Variants in CCNH observed in about 807,000 individuals in gnomAD.
CCNH encodes cyclin H.
A neutral mutation model predicts 41.9 loss-of-function variants in CCNH; 31 were observed. That is an observed-to-expected ratio of 0.74 (90% confidence interval 0.56 to 1.00). The LOEUF (loss-of-function observed/expected upper bound fraction) is 1.00, where lower values mean the gene tolerates loss of function less well. Ranked by LOEUF, CCNH falls within the 50% of genes least tolerant of loss-of-function variation. The pLI is 0.00. For synonymous variants in CCNH, 138 were observed against 136.1 expected (o/e 1.01, Z -0.10); for missense variants, 362 against 388.4 (o/e 0.93, Z 0.57).
downstream of CCNH, among the ~76,000 whole-genome samples, chr5:87,388,951 A>G (rs187066306): frequency 2.0e-5 from 3 of 152,284 alleles, no homozygotes; most frequent in Admixed American, 2.0e-4. Context: ...TAGAATAGCA[A>G]TAATATTGTA....
At position 87,326,450 on chromosome 5, in the gene CCNH, A is replaced by G. The variant is rs115439150; in HGVS notation, c.*91-7553T>C. 7.4e-3 allele frequency among the ~76,000 whole-genome samples: 1,129 copies of G among 152,314 alleles called. 14 individuals are homozygous for G. Among genetic ancestry groups the G allele is most frequent in the Middle Eastern group, 0.031 (9 of 294 alleles). On this transcript the variant is annotated intron_variant and NMD_transcript_variant, in intron 9 of 9. Coordinates refer to the CCNH transcript ENST00000645953. ...ATTAAGGGACTCCATATCTACCTGT[A>G]AGATTTCTCAACAAAAATTTACAAA...
At chr5:87,385,415 T>C in intron 9 of CCNH, 1 of 1,510,072 alleles carries the variant, frequency 6.6e-7, no homozygotes, top group Non-Finnish European at 9.2e-7. Context: ...TACTTTAAAA[T>C]GTAATTTATG....
At chr5:87,398,787 C>T (rs1242550494) in intron 7 of CCNH, among the ~76,000 whole-genome samples, 1 of 151,986 alleles carries the variant, frequency 6.6e-6, no homozygotes, top group Non-Finnish European at 1.5e-5. Context: ...TCCTGGCTAA[C>T]ACGATGAAAC....
downstream of CCNH, among the ~76,000 whole-genome samples, chr5:87,373,084 A>C (rs1333082362): frequency 6.6e-6 from 1 of 152,164 alleles, no homozygotes; most frequent in Non-Finnish European, 1.5e-5. Flanking sequence ...TTTTGTGTGA[A>C]ACTTGAGCCA....
At chr5:87,409,037 C>T in intron 3 of CCNH, 1 of 269,842 alleles carries the variant, frequency 3.7e-6, no homozygotes, top group East Asian at 6.8e-5. Context: ...AGAGAAGTAG[C>T]TAATTTGAGA....
At chr5:87,313,453 A>G (rs144215136), downstream of CCNH, among the ~76,000 whole-genome samples, 39 of 152,316 alleles carry the variant, frequency 2.6e-4, no homozygotes, top group South Asian at 6.2e-3. Context: ...CAGTTTGGCT[A>G]GATACGTGGA....
intron 9 of CCNH, among the ~76,000 whole-genome samples, chr5:87,348,410 T>C (rs16902631): frequency 6.6e-6 from 1 of 151,968 alleles, no homozygotes; most frequent in African/African-American, 2.4e-5. Context: ...AGAGCATCTA[T>C]GTATTATGAG....
chr5:87,327,916 A>G (rs552925036), intron 9 of CCNH, among the ~76,000 whole-genome samples: 128 of 152,066 alleles, frequency 8.4e-4, no homozygotes, highest in African/African-American at 2.8e-3. Flanking sequence ...AGTGAGCCAT[A>G]AGAGCATGGC....
upstream of CCNH, chr5:87,379,623 C>T: frequency 7.0e-7 from 1 of 1,422,838 alleles, no homozygotes; most frequent in Non-Finnish European, 9.4e-7. Context: ...TCAATACACA[C>T]AGAGATACCG....
At chr5:87,393,624 G>GTAAC (rs535928316), downstream of CCNH, 8 of 152,166 alleles carry the variant, frequency 5.3e-5, no homozygotes, top group South Asian at 1.0e-3. Context: ...AAAATTCCTA[G>GTAAC]TAACTGTTAT....
intron 9 of CCNH, among the ~76,000 whole-genome samples, chr5:87,356,547 G>A (rs1759667217): frequency 6.6e-6 from 1 of 152,036 alleles, no homozygotes; most frequent in Non-Finnish European, 1.5e-5. Flanking sequence ...ACACCACCGT[G>A]CCTAGCTAAT....
upstream of CCNH, among the ~76,000 whole-genome samples, chr5:87,381,408 C>A (rs1310546714): frequency 5.3e-5 from 8 of 152,110 alleles, no homozygotes; most frequent in South Asian, 4.1e-4. Flanking sequence ...AATGCGAAAG[C>A]GTCATGGAAT....
chr5:87,392,058 C>T (rs916182077), downstream of CCNH: 4 of 324,728 alleles, frequency 1.2e-5, no homozygotes, highest in South Asian at 3.0e-5. Flanking sequence ...CTAATGGCCT[C>T]TTTTGAAAAG....
At chr5:87,359,916 A>G (rs1759942818) in intron 9 of CCNH, among the ~76,000 whole-genome samples, 1 of 152,166 alleles carries the variant, frequency 6.6e-6, no homozygotes, top group South Asian at 2.1e-4. Context: ...TGCAACTAAC[A>G]GTTCTTCACC....
chr5:87,376,823 C>T, exon 1 of CCNH: 3 of 1,496,304 alleles, frequency 2.0e-6, no homozygotes, highest in South Asian at 2.3e-5. Flanking sequence ...TTGTTAGTCT[C>T]ATGGAGCATG....
chr5:87,366,569 T>A (rs1580363407), intron 9 of CCNH: 1 of 179,412 alleles, frequency 5.6e-6, no homozygotes, highest in Non-Finnish European at 1.2e-5. Flanking sequence ...TGCTGTAAGG[T>A]TGTAGCTTGC....
intron 9 of CCNH, among the ~76,000 whole-genome samples, chr5:87,359,209 C>G (rs1438336148): frequency 1.3e-5 from 2 of 152,274 alleles, no homozygotes; most frequent in East Asian, 3.9e-4. Context: ...AAGCTAGGAT[C>G]TGCAAGTTAA....
intron 7 of CCNH, among the ~76,000 whole-genome samples, chr5:87,397,167 T>C (rs1763031400): frequency 6.6e-6 from 1 of 151,984 alleles, no homozygotes; most frequent in South Asian, 2.1e-4. Context: ...AATTTTTTTT[T>C]TGTTTTTTTT....
intron 7 of CCNH, among the ~76,000 whole-genome samples, chr5:87,396,252 G>A (rs1762952216): frequency 6.6e-6 from 1 of 151,818 alleles, no homozygotes. Context: ...TTGTGGTTAT[G>A]AGCAGAAAGT....
Sources: allele counts gnomAD v4.1 joint callset (sites outside exome capture counted in the v4.1 genomes callset), GRCh38; gene constraint gnomAD v4.1.1; transcripts MANE v1.5; gene names NCBI Gene and HGNC (gene_info 2026-07-23, HGNC 2026-07-21).